Variants in TMEM260 observed in about 807,000 individuals in gnomAD.
TMEM260 encodes the protein transmembrane protein 260.
In TMEM260, 82 loss-of-function variants were observed where a neutral mutation model predicts 88.9. The observed-to-expected ratio is 0.92, with a 90% confidence interval of 0.77 to 1.11. The LOEUF is 1.11. Among genes scored for constraint, TMEM260 ranks in the 50% least tolerant of loss-of-function variants. The probability of loss-of-function intolerance (pLI) is 0.00; values close to 1 mark genes in which losing one functional copy is unlikely to be tolerated. For synonymous variants in TMEM260, 314 were observed against 309.3 expected (o/e 1.02, Z -0.16); for missense variants, 902 against 853.4 (o/e 1.06, Z -0.71).
intron 1 of TMEM260, 107 bp from the exon 2 acceptor site, chr14:56,584,894 C>T (rs1885387345): frequency 2.4e-6 from 2 of 822,872 alleles, no homozygotes; most frequent in Non-Finnish European, 4.0e-6. Context: ...ACAGTTTTAT[C>T]CAGTCAAATT....
chr14:56,651,691 G>T (rs565384728), downstream of TMEM260, among the ~76,000 whole-genome samples: 2 of 152,198 alleles, frequency 1.3e-5, no homozygotes, highest in Admixed American at 6.5e-5. Flanking sequence ...CTGCAGAGTT[G>T]CAAGTCTTCT....
At chr14:56,633,272 T>A in intron 13 of TMEM260, 101 bp downstream of exon 13, 1 of 894,536 alleles carries the variant, frequency 1.1e-6, no homozygotes, top group Non-Finnish European at 1.6e-6. Flanking sequence ...TTTTTTTTAT[T>A]AATTGTTAAT....
chr14:56,628,752 GCA>G (rs1888393383), intron 12 of TMEM260, among the ~76,000 whole-genome samples: 1 of 151,956 alleles, frequency 6.6e-6, no homozygotes, highest in Non-Finnish European at 1.5e-5. Context: ...TTTATAGACA[GCA>G]TATATTTGAG....
rs543125183 is a variant in TMEM260 at position 56,645,043 on chromosome 14, G to T, written c.1870-2200G>T. Among the ~76,000 whole-genome samples the T allele has an allele frequency of 2.3e-4, 34 of 150,962 alleles. No homozygotes were observed. The South Asian group carries it at 5.1e-3, about 23-fold the overall frequency. On this transcript the variant is annotated intron_variant, in intron 15 of 15. Coordinates refer to ENST00000261556, the MANE Select transcript of TMEM260 (RefSeq NM_017799.4). ...AAATAGGAACACTTTTACACTGTTG[G>T]TGGGACTGTAAACTAGTTCAACCAT...
At chr14:56,640,394 G>T (rs1447517862) in intron 15 of TMEM260, among the ~76,000 whole-genome samples, 1 of 152,210 alleles carries the variant, frequency 6.6e-6, no homozygotes, top group African/African-American at 2.4e-5. Context: ...AGGGTCTGGA[G>T]TGGACCTCCA....
chr14:56,596,905 T>C (rs1006504083), intron 3 of TMEM260, among the ~76,000 whole-genome samples: 1 of 151,842 alleles, frequency 6.6e-6, no homozygotes, highest in Non-Finnish European at 1.5e-5. Context: ...GATTTTAAGT[T>C]CTTAAAATCT....
chr14:56,659,232 TAA>T, the TMEM260 span, among the ~76,000 whole-genome samples: 479 of 151,276 alleles, frequency 3.2e-3, 5 homozygotes, highest in Middle Eastern at 0.014. Context: ...TATTTAGGAA[TAA>T]AAGAGGGTTT....
intron 1 of TMEM260, 56 bp from the exon 2 acceptor site, chr14:56,584,945 T>C (rs775052220): frequency 1.9e-5 from 28 of 1,504,674 alleles, no homozygotes; most frequent in African/African-American, 4.2e-5. Context: ...TTTGAAAACT[T>C]TGGAGGAGTG....
chr14:56,615,651 G>A (rs1188838031), intron 7 of TMEM260: 5 of 237,378 alleles, frequency 2.1e-5, no homozygotes, highest in South Asian at 1.6e-4. Context: ...CAAACCAGTC[G>A]GGGATATTCT....
At chr14:56,605,810 G>A (rs1199453557) in intron 5 of TMEM260, 127 bp downstream of exon 5, 2 of 546,170 alleles carry the variant, frequency 3.7e-6, no homozygotes, top group Non-Finnish European at 6.3e-6. Context: ...ATAACCCTAG[G>A]GCCTAACAAT....
intron 15 of TMEM260, among the ~76,000 whole-genome samples, chr14:56,645,306 T>G (rs1471595045): frequency 1.3e-5 from 2 of 151,796 alleles, no homozygotes; most frequent in African/African-American, 4.8e-5. Flanking sequence ...TGGAATACTA[T>G]GCAGCCATAA....
downstream of TMEM260, among the ~76,000 whole-genome samples, chr14:56,654,930 G>T (rs1890274332): frequency 1.3e-5 from 2 of 151,324 alleles, no homozygotes; most frequent in African/African-American, 2.4e-5. Flanking sequence ...GTGTGTAGGT[G>T]ACAATGATTT....
chr14:56,620,463 C>T (rs554145848), intron 10 of TMEM260, among the ~76,000 whole-genome samples: 1 of 152,360 alleles, frequency 6.6e-6, no homozygotes, highest in African/African-American at 2.4e-5. Flanking sequence ...CTTTTCTTAT[C>T]CCAGTCATCT....
At chr14:56,644,796 T>C (rs565982326) in intron 15 of TMEM260, among the ~76,000 whole-genome samples, 148 of 151,696 alleles carry the variant, frequency 9.8e-4, no homozygotes, top group Non-Finnish European at 1.6e-3. Flanking sequence ...TCAAACAAAT[T>C]TACAAGAAAA....
chr14:56,621,534 T>C lies in TMEM260; in HGVS notation c.1230T>C (p.Val410=). 1.2e-6 allele frequency: 2 copies of C among 1,602,680 alleles called. No individual in the cohort carries two copies. The highest frequency in any genetic ancestry group is 1.7e-6 in the Non-Finnish European group (2 of 1,175,570). The change falls in exon 11 of 16, where the codon GTT becomes GTC. Residue 410 remains valine, a synonymous_variant. Coordinates refer to ENST00000261556, the MANE Select transcript of TMEM260 (RefSeq NM_017799.4). ...VVYQIYSNYS[V]CDQRTNYVID... is the part of the protein sequence containing the mutation. The stretch of plus-strand genomic sequence containing the variant: ...TTTTTTGGATCCTTTTATTTAGTGT[T>C]TGTGACCAAAGGACCAACTATGTGA...
intron 12 of TMEM260, among the ~76,000 whole-genome samples, chr14:56,628,373 C>CA (rs1473753973): frequency 3.9e-5 from 6 of 152,152 alleles, no homozygotes; most frequent in African/African-American, 1.4e-4. Context: ...TTGTCTTTTA[C>CA]AAGTGTCTTT....
downstream of TMEM260, among the ~76,000 whole-genome samples, chr14:56,655,265 C>A (rs949189852): frequency 6.6e-6 from 1 of 151,884 alleles, no homozygotes; most frequent in Non-Finnish European, 1.5e-5. Flanking sequence ...TGGCAGATGC[C>A]TGTAATCCCA....
At chr14:56,644,981 AAGTC>A (rs1480357308) in intron 15 of TMEM260, among the ~76,000 whole-genome samples, 1 of 152,028 alleles carries the variant, frequency 6.6e-6, no homozygotes, top group African/African-American at 2.4e-5. Flanking sequence ...AATCATTAAA[AAGTC>A]AGGAAACAAC....
intron 1 of TMEM260, among the ~76,000 whole-genome samples, chr14:56,584,487 G>C (rs1292780315): frequency 6.6e-6 from 1 of 152,124 alleles, no homozygotes; most frequent in East Asian, 1.9e-4. Context: ...ATAACGTGGA[G>C]TTAATAAACA....
Sources: allele counts gnomAD v4.1 joint callset (sites outside exome capture counted in the v4.1 genomes callset), GRCh38; gene constraint gnomAD v4.1.1; transcripts MANE v1.5; gene names NCBI Gene and HGNC (gene_info 2026-07-23, HGNC 2026-07-21).